WAC: variants seen among roughly 807,000 people sequenced by gnomAD.
The protein encoded by WAC is WW domain containing adaptor with coiled-coil, also known as WW domain-containing adapter protein with coiled-coil.
A neutral mutation model predicts 79.6 loss-of-function variants in WAC; 11 were observed. The ratio of observed to expected loss-of-function variants is 0.14; its 90% confidence interval spans 0.09 to 0.23. WAC has a LOEUF of 0.23. Ranked by LOEUF, WAC falls within the 10% of genes least tolerant of loss-of-function variation. The pLI is 1.00. For missense variants in WAC, 728 were observed against 773.5 expected (o/e 0.94, Z 0.70); for synonymous variants, 304 against 276.9 (o/e 1.10, Z -0.97).
At chr10:28,533,959 C>G (rs777709388) in intron 1 of WAC, 39 bp from the exon 2 acceptor site, 1 of 1,604,096 alleles carries the variant, frequency 6.2e-7, no homozygotes, top group East Asian at 2.3e-5. Flanking sequence ...CCCACCCGCG[C>G]CGTGTCTTAT....
chr10:28,553,981 G>A (rs1451630771), intron 3 of WAC, among the ~76,000 whole-genome samples: 1 of 152,102 alleles, frequency 6.6e-6, no homozygotes, highest in Non-Finnish European at 1.5e-5. Flanking sequence ...TGATTCTCCT[G>A]CCTGTCTCCC....
At chr10:28,596,324 GTC>G (rs1426046649) in intron 7 of WAC, among the ~76,000 whole-genome samples, 10 of 152,104 alleles carry the variant, frequency 6.6e-5, no homozygotes, top group Non-Finnish European at 1.5e-4. Flanking sequence ...TCAAGTAACT[GTC>G]TCTTCAATTT....
intron 2 of WAC, chr10:28,535,117 G>T (rs949391307): frequency 5.7e-4 from 72 of 125,468 alleles, no homozygotes; most frequent in African/African-American, 2.6e-3. Context: ...CTGGTGTGTG[G>T]GTTTTTTTTT....
At position 28,620,296 on chromosome 10, in the gene WAC, ACAGTAG is replaced by A. The variant is rs1241873637; in HGVS notation, c.*692_*697del. On this transcript the variant is annotated 3_prime_UTR_variant, in exon 14 of 14. Coordinates refer to ENST00000354911, the MANE Select transcript of WAC (RefSeq NM_016628.5). ...TTCTATAACCTTTTCATTCCTGTGT[ACAGTAG>A]CTTAAAATTGCAGTGATTGAGCATA... is the stretch of plus-strand genomic sequence containing the variant. 6.6e-6 allele frequency: 1 copy of A among 152,594 alleles called. No individual in the cohort carries two copies. The highest frequency in any genetic ancestry group is 1.5e-5 in the Non-Finnish European group (1 of 68,054). The allele number at this position is 152,594 out of a possible 1,614,324, so 9.5% of individuals were successfully genotyped here. A position where few individuals can be genotyped will look rare whatever the true frequency, so the allele number is the denominator to read the frequency against.
At chr10:28,604,746 C>G (rs757907658) in intron 7 of WAC, among the ~76,000 whole-genome samples, 1 of 152,138 alleles carries the variant, frequency 6.6e-6, no homozygotes, top group South Asian at 2.1e-4. Flanking sequence ...AACACAATTC[C>G]TCTCCCGAGG....
At position 28,621,917 on chromosome 10, in the gene WAC, G is replaced by C. The variant is rs766895234; in HGVS notation, c.*2311G>C. On this transcript the variant is annotated 3_prime_UTR_variant, in exon 14 of 14. Transcript: ENST00000354911. Reference sequence around the variant, plus strand: ...CTTGAGACAGAGTTTCACTCTTGTTGCCCAGGCTGGAGTGCAATGGCACGA... The same window carrying C: ...CTTGAGACAGAGTTTCACTCTTGTTCCCCAGGCTGGAGTGCAATGGCACGA... The C allele has an allele frequency of 2.6e-5, 4 of 151,958 alleles. No individual in the cohort carries two copies. Among genetic ancestry groups the C allele is most frequent in the African/African-American group, 9.7e-5 (4 of 41,288 alleles). 9.4% of individuals were successfully genotyped at this position (151,958 alleles called of 1,614,324 possible).
chr10:28,600,731 C>T (rs1840600937), intron 7 of WAC, among the ~76,000 whole-genome samples: 1 of 151,916 alleles, frequency 6.6e-6, no homozygotes, highest in Admixed American at 6.6e-5. Context: ...ACCACATAGA[C>T]ATTTAAAACT....
At chr10:28,559,979 T>C (rs571874853) in intron 3 of WAC, among the ~76,000 whole-genome samples, 1 of 152,288 alleles carries the variant, frequency 6.6e-6, no homozygotes, top group South Asian at 2.1e-4. Flanking sequence ...ATTAGGGTAA[T>C]GACAATAGAT....
At chr10:28,598,255 C>G (rs968177928) in intron 7 of WAC, among the ~76,000 whole-genome samples, 2 of 152,164 alleles carry the variant, frequency 1.3e-5, no homozygotes, top group African/African-American at 2.4e-5. Context: ...TGGTTGCAGT[C>G]TGTTTTACTA....
chr10:28,605,958 G>C (rs1173023528), intron 7 of WAC, among the ~76,000 whole-genome samples: 1 of 152,122 alleles, frequency 6.6e-6, no homozygotes, highest in Non-Finnish European at 1.5e-5. Context: ...AGTTGTGTGT[G>C]AAAGAACCTT....
rs1351186253 is a variant in WAC, at chr10:28,623,100, G to C, written c.*3494G>C. ...AAGGAAATTTAAAATACAGATTACT[G>C]CTGAGATTTTAATCAGTCGGTGTGT... On this transcript the variant is annotated 3_prime_UTR_variant, in exon 14 of 14. Coordinates refer to ENST00000354911, the MANE Select transcript of WAC (RefSeq NM_016628.5). 1 of 152,100 alleles carries C rather than the reference G, an allele frequency of 6.6e-6. No homozygotes were observed. The highest frequency in any genetic ancestry group is 1.9e-4 in the East Asian group (1 of 5,198). The allele number at this position is 152,100 out of a possible 1,614,324, so 9.4% of individuals were successfully genotyped here.
At position 28,553,781 on chromosome 10, in the gene WAC, A is replaced by G. The variant is rs1837834348; in HGVS notation, c.274+18024A>G. Among the ~76,000 whole-genome samples the G allele has an allele frequency of 2.0e-5, 3 of 152,202 alleles. No homozygotes were observed. In the South Asian group the frequency reaches 6.2e-4, roughly 32 times the overall value. ...GGAATAAAAGGATGGTTGTGTCTTT[A>G]CTGAACATGTACAGACTTCTTTTTT... On this transcript the variant is annotated intron_variant, in intron 3 of 13. Transcript: ENST00000354911.
intron 4 of WAC, among the ~76,000 whole-genome samples, chr10:28,588,088 A>G (rs896147569): frequency 2.0e-5 from 3 of 152,144 alleles, no homozygotes; most frequent in African/African-American, 4.8e-5. Context: ...CTAGTCTCAA[A>G]TCTCATTCTA....
At chr10:28,550,438 G>A (rs550437030) in intron 3 of WAC, among the ~76,000 whole-genome samples, 150 of 148,424 alleles carry the variant, frequency 1.0e-3, no homozygotes, top group Non-Finnish European at 1.8e-3. Flanking sequence ...AGCCTTCCTT[G>A]AGCCTATCTT....
intron 3 of WAC, among the ~76,000 whole-genome samples, chr10:28,563,371 A>G (rs1249243238): frequency 6.6e-6 from 1 of 152,210 alleles, no homozygotes; most frequent in African/African-American, 2.4e-5. Flanking sequence ...GAAAAACAAA[A>G]GAGTTAATAG....
intron 3 of WAC, among the ~76,000 whole-genome samples, chr10:28,563,339 T>G (rs1018247141): frequency 1.3e-5 from 2 of 152,204 alleles, no homozygotes; most frequent in African/African-American, 2.4e-5. Flanking sequence ...TTCTAGGAGG[T>G]AGAACAAGTG....
In WAC at chr10:28,621,240, T is replaced by TG. The variant is rs1841682153; in HGVS notation, c.*1638dup. 11 of 132,834 alleles carry TG rather than the reference T, an allele frequency of 8.3e-5. No individual in the cohort carries two copies. The South Asian group carries it at 2.0e-3, about 24-fold the overall frequency. The allele number at this position is 132,834 out of a possible 1,614,324, so 8.2% of individuals were successfully genotyped here. A position where few individuals can be genotyped will look rare whatever the true frequency, so the allele number is the denominator to read the frequency against. ...ATTTTTTTTTTTTTTTTTTTTCTGTTGGGGCAGATAAGTGCTTCCAAAACT... is the reference window on the plus strand; with the variant it reads ...ATTTTTTTTTTTTTTTTTTTTCTGTTGGGGGCAGATAAGTGCTTCCAAAACT... On this transcript the variant is annotated 3_prime_UTR_variant, in exon 14 of 14. Coordinates refer to ENST00000354911, the MANE Select transcript of WAC (RefSeq NM_016628.5).
At chr10:28,543,413 C>G (rs529929055) in intron 3 of WAC, among the ~76,000 whole-genome samples, 2 of 152,246 alleles carry the variant, frequency 1.3e-5, no homozygotes, top group Middle Eastern at 3.4e-3. Flanking sequence ...CTTTTTGGTA[C>G]AAGATCTTTG....
intron 3 of WAC, among the ~76,000 whole-genome samples, chr10:28,570,768 G>A (rs1281069122): frequency 2.0e-5 from 3 of 152,028 alleles, no homozygotes; most frequent in African/African-American, 4.8e-5. Flanking sequence ...TGTTAGTGAC[G>A]TAGGCAGAGT....
Sources: gnomAD v4.1 joint callset for allele counts (sites outside exome capture counted in the v4.1 genomes callset) on GRCh38, gnomAD v4.1.1 for gene constraint, MANE v1.5 for transcripts, NCBI Gene and HGNC (gene_info 2026-07-23, HGNC 2026-07-21) for gene names.